The following ANP32A variants were observed in gnomAD, a reference collection of about 807,000 sequenced individuals.
ANP32A encodes acidic nuclear phosphoprotein 32 family member A.
In ANP32A, 1 loss-of-function variant was observed where a neutral mutation model predicts 33.9. The ratio of observed to expected loss-of-function variants is 0.03; its 90% CI spans 0.01 to 0.14. The LOEUF (loss-of-function observed/expected upper bound fraction) is 0.14, where lower values mean the gene tolerates loss of function less well. ANP32A is among the 10% of genes least tolerant of loss of function. The pLI is 1.00. For synonymous variants in ANP32A, 115 were observed against 120.5 expected (o/e 0.95, Z 0.30); for missense variants, 155 against 306.0 (o/e 0.51, Z 3.68).
chr15:68,784,361 G>C (rs1294987673), intron 4 of ANP32A, 36 bp downstream of exon 4: 2 of 1,605,414 alleles, frequency 1.2e-6, no homozygotes, highest in East Asian at 2.2e-5. Flanking sequence ...GCCTCAGCTG[G>C]GCCCCTGCAG....
chr15:68,789,612 C>G (rs372994013), intron 1 of ANP32A: 2 of 152,600 alleles, frequency 1.3e-5, no homozygotes, highest in East Asian at 3.9e-4. Flanking sequence ...CCCCTCTTGC[C>G]AGTGGGCAGA....
intron 1 of ANP32A, among the ~76,000 whole-genome samples, chr15:68,803,696 A>G (rs1894169919): frequency 6.6e-6 from 1 of 152,124 alleles, no homozygotes; most frequent in Non-Finnish European, 1.5e-5. Flanking sequence ...CGCTTTTACT[A>G]GGATACCCCT....
At position 68,780,550 on chromosome 15, in the gene ANP32A, A is replaced by G. The variant is rs934634177; in HGVS notation, c.625-77T>C. ...TGCTGAGGAAGCCACACAGAGCACA[A>G]AAAGGCCGGGGTCACCCCCAGCCTC... On this transcript the variant is annotated intron_variant, in intron 5 of 6. Coordinates refer to ENST00000465139, the MANE Select transcript of ANP32A (RefSeq NM_006305.4). This position sits in a 1 kb window ranked among gnomAD's most constrained non-coding sequence, Gnocchi z 4.3. The G allele has an allele frequency of 8.2e-6, 13 of 1,590,928 alleles. No individual in the cohort carries two copies. In the Admixed American group the frequency reaches 2.0e-4, roughly 24 times the overall value.
intron 3 of ANP32A, chr15:68,787,100 T>C: frequency 3.1e-6 from 1 of 326,464 alleles, no homozygotes; most frequent in Non-Finnish European, 5.8e-6. Flanking sequence ...CCTGAAGACA[T>C]TACAGCTCAG....
chr15:68,810,535 G>A (rs1596074810), intron 1 of ANP32A, among the ~76,000 whole-genome samples: 1 of 152,292 alleles, frequency 6.6e-6, no homozygotes, highest in Middle Eastern at 3.4e-3. Context: ...GCTTACTCAA[G>A]CAGTAAACTT....
intron 1 of ANP32A, among the ~76,000 whole-genome samples, chr15:68,813,744 T>C (rs777076647): frequency 2.0e-5 from 3 of 152,178 alleles, no homozygotes; most frequent in Non-Finnish European, 2.9e-5. Context: ...GGCCAGACAA[T>C]TGGGCCACGT....
intron 2 of ANP32A, 38 bp downstream of exon 2, chr15:68,787,732 C>A (rs1893950863): frequency 6.2e-7 from 1 of 1,603,904 alleles, no homozygotes; most frequent in East Asian, 2.2e-5. Context: ...CACTCCCCAC[C>A]CCCGCCTCCC....
chr15:68,806,518 G>A (rs889506492), intron 1 of ANP32A, among the ~76,000 whole-genome samples: 1 of 152,178 alleles, frequency 6.6e-6, no homozygotes, highest in Non-Finnish European at 1.5e-5. Context: ...TCCTCTAGAA[G>A]CCTTCCCAGA....
At chr15:68,795,739 A>C (rs1030514687) in intron 1 of ANP32A, among the ~76,000 whole-genome samples, 2 of 152,074 alleles carry the variant, frequency 1.3e-5, no homozygotes, top group Non-Finnish European at 2.9e-5. Context: ...TAGCTGGTGA[A>C]TCCTAGCTGG....
At chr15:68,797,676 T>C (rs1382582417) in intron 1 of ANP32A, among the ~76,000 whole-genome samples, 1 of 152,204 alleles carries the variant, frequency 6.6e-6, no homozygotes, top group African/African-American at 2.4e-5. Flanking sequence ...ATGACATCAC[T>C]TGGCATTGCA....
At chr15:68,801,420 A>G (rs577233693) in intron 1 of ANP32A, among the ~76,000 whole-genome samples, 2 of 152,176 alleles carry the variant, frequency 1.3e-5, no homozygotes, top group South Asian at 4.1e-4. Flanking sequence ...TACTGCTTAC[A>G]AACTGTGTGG....
intron 1 of ANP32A, among the ~76,000 whole-genome samples, chr15:68,810,928 T>C (rs1251023923): frequency 1.3e-5 from 2 of 151,854 alleles, no homozygotes; most frequent in African/African-American, 4.8e-5. Context: ...GGCGTGGTGG[T>C]GGACACCTGT....
At chr15:68,817,181 A>G (rs917775544) in intron 1 of ANP32A, among the ~76,000 whole-genome samples, 5 of 152,236 alleles carry the variant, frequency 3.3e-5, no homozygotes, top group African/African-American at 1.2e-4. Context: ...CTGGCTCCTA[A>G]GTCAACATCC....
chr15:68,807,701 A>G (rs2924629), intron 1 of ANP32A, among the ~76,000 whole-genome samples: 4 of 151,950 alleles, frequency 2.6e-5, no homozygotes, highest in African/African-American at 9.7e-5. Context: ...TGCTAACAAC[A>G]AGCTCTGGGA....
intron 1 of ANP32A, among the ~76,000 whole-genome samples, chr15:68,811,063 GAAAAA>G (rs34026847): frequency 8.5e-6 from 1 of 118,036 alleles, no homozygotes; most frequent in African/African-American, 3.3e-5. Flanking sequence ...CTCTGTCTGG[GAAAAA>G]AAAAAAAAAA....
At chr15:68,787,319 A>G in intron 3 of ANP32A, 94 bp downstream of exon 3, 2 of 1,555,486 alleles carry the variant, frequency 1.3e-6, no homozygotes, top group Non-Finnish European at 1.8e-6. Context: ...AAAAAAATTA[A>G]GTGGGAAAAG....
Position 68,787,863 on chromosome 15 carries a change from G to A in ANP32A, c.111C>T (p.Leu37=). The change falls in exon 2 of 7, where the codon CTC becomes CTT. Residue 37 remains leucine, a synonymous_variant. Transcript: ENST00000465139. ...ATTCCAGTTCTTCAAATTCATCTGT[G>A]AGGCCTTCGAGTTTGCCTTCATTCG... ...SRSNEGKLEG[L]TDEFEELEFL... is the part of the protein sequence containing the mutation. The A allele has an allele frequency of 1.2e-6, 2 of 1,614,110 alleles. No individual in the cohort carries two copies. Among genetic ancestry groups the A allele is most frequent in the Non-Finnish European group, 1.7e-6 (2 of 1,180,032 alleles).
intron 1 of ANP32A, among the ~76,000 whole-genome samples, chr15:68,819,679 C>A (rs531358223): frequency 1.1e-4 from 17 of 152,282 alleles, no homozygotes; most frequent in African/African-American, 3.6e-4. Context: ...GCCGGGGGTT[C>A]GAGCTGGGGG....
Position 68,820,883 on chromosome 15 carries a change from C to T in ANP32A, c.-132G>A, listed in dbSNP as rs1184624873. 5 of 1,088,514 alleles carry T rather than the reference C, an allele frequency of 4.6e-6. No individual in the cohort carries two copies. The highest frequency in any genetic ancestry group is 6.8e-6 in the Non-Finnish European group (5 of 739,384). 67.4% of individuals were successfully genotyped at this position (1,088,514 alleles called of 1,614,324 possible). On this transcript the variant is annotated 5_prime_UTR_variant, in exon 1 of 7. Coordinates refer to ENST00000465139, the MANE Select transcript of ANP32A (RefSeq NM_006305.4). Reference sequence around the variant, plus strand: ...GCTCGGTTCTCGAGCCCCCAGCACCCGCGGCGCACACTAACCTGATCGCCG... The same window carrying T: ...GCTCGGTTCTCGAGCCCCCAGCACCTGCGGCGCACACTAACCTGATCGCCG...
Sources: allele counts gnomAD v4.1 joint callset (sites outside exome capture counted in the v4.1 genomes callset), GRCh38; gene constraint gnomAD v4.1.1; non-coding constraint Gnocchi (gnomAD v3.1); transcripts MANE v1.5; gene names NCBI Gene and HGNC (gene_info 2026-07-23, HGNC 2026-07-21).